Variants in CPNE4 observed in about 807,000 individuals in gnomAD.
CPNE4 encodes copine 4.
Under a neutral mutation model 67.9 loss-of-function variants are expected in CPNE4, and 25 were observed. The ratio of observed to expected loss-of-function variants is 0.37; its 90% CI spans 0.27 to 0.51. The LOEUF (loss-of-function observed/expected upper bound fraction) is 0.51. Among genes scored for constraint, CPNE4 ranks in the 20% least tolerant of loss-of-function variants. The pLI is 0.93. For synonymous variants in CPNE4, 242 were observed against 244.9 expected (o/e 0.99, Z 0.11); for missense variants, 464 against 690.8 (o/e 0.67, Z 3.68).
intron 6 of CPNE4, among the ~76,000 whole-genome samples, chr3:131,682,432 G>C (rs961630490): frequency 6.6e-6 from 1 of 152,078 alleles, no homozygotes; most frequent in Admixed American, 6.5e-5. Context: ...AGATCTGGAA[G>C]AATTCCCTGG....
At chr3:131,734,803 A>T (rs1441878443) in intron 2 of CPNE4, among the ~76,000 whole-genome samples, 1 of 152,106 alleles carries the variant, frequency 6.6e-6, no homozygotes, top group African/African-American at 2.4e-5. Flanking sequence ...AGGTGGGAGA[A>T]TCACCTGATC....
chr3:131,733,246 G>T (rs1398596407), intron 2 of CPNE4, among the ~76,000 whole-genome samples: 1 of 152,170 alleles, frequency 6.6e-6, no homozygotes. Context: ...AATTTTTCAA[G>T]TGGGGCCATT....
At chr3:131,803,429 C>G (rs564917208) in intron 2 of CPNE4, among the ~76,000 whole-genome samples, 1 of 152,288 alleles carries the variant, frequency 6.6e-6, no homozygotes, top group Admixed American at 6.5e-5. Flanking sequence ...TTGCTGCTAA[C>G]TGTCTCTATC....
intron 2 of CPNE4, among the ~76,000 whole-genome samples, chr3:131,758,796 C>T (rs1482844786): frequency 6.6e-6 from 1 of 152,042 alleles, no homozygotes; most frequent in Admixed American, 6.6e-5. Context: ...ATGCTATTCT[C>T]GTGATAGTGA....
At chr3:131,820,616 T>C (rs1036108901) in intron 2 of CPNE4, among the ~76,000 whole-genome samples, 5 of 152,240 alleles carry the variant, frequency 3.3e-5, no homozygotes, top group African/African-American at 1.2e-4. Context: ...ATTACAAACA[T>C]CTCTTTCTAA....
At chr3:131,648,887 T>G (rs1339468931) in intron 7 of CPNE4, among the ~76,000 whole-genome samples, 2 of 152,052 alleles carry the variant, frequency 1.3e-5, no homozygotes, top group Non-Finnish European at 2.9e-5. Context: ...TTCCTGTAAG[T>G]AGGTGGAAGA....
At chr3:131,850,815 G>C (rs948340791) in intron 2 of CPNE4, among the ~76,000 whole-genome samples, 3 of 152,042 alleles carry the variant, frequency 2.0e-5, no homozygotes, top group Non-Finnish European at 4.4e-5. Context: ...ATTTTGTAGA[G>C]TGGTTAACCA....
intron 2 of CPNE4, among the ~76,000 whole-genome samples, chr3:131,850,429 C>G (rs2086194109): frequency 6.6e-6 from 1 of 151,924 alleles, no homozygotes; most frequent in Non-Finnish European, 1.5e-5. Context: ...TCTCTGAGCC[C>G]CAATTATTTG....
intron 5 of CPNE4, among the ~76,000 whole-genome samples, chr3:131,695,994 C>CT (rs1343303279): frequency 1.3e-5 from 2 of 151,968 alleles, no homozygotes; most frequent in South Asian, 2.1e-4. Flanking sequence ...TTTGATATGC[C>CT]TTTTTTCCAG....
chr3:131,540,745 G>A (rs965320882), intron 15 of CPNE4, among the ~76,000 whole-genome samples: 1 of 152,212 alleles, frequency 6.6e-6, no homozygotes, highest in Non-Finnish European at 1.5e-5. Context: ...ACCAAATAAG[G>A]TTGAAGTGGA....
chr3:131,785,980 G>C (rs1214500187), intron 2 of CPNE4, among the ~76,000 whole-genome samples: 1 of 152,044 alleles, frequency 6.6e-6, no homozygotes, highest in Admixed American at 6.6e-5. Flanking sequence ...TTCTTTGCCA[G>C]GTTCCTTTCT....
chr3:131,577,200 A>T (rs1052787110), intron 9 of CPNE4, among the ~76,000 whole-genome samples: 1 of 152,114 alleles, frequency 6.6e-6, no homozygotes, highest in African/African-American at 2.4e-5. Context: ...CTATCTTGTT[A>T]TGTAAGGATA....
intron 2 of CPNE4, among the ~76,000 whole-genome samples, chr3:131,731,588 G>A (rs567379385): frequency 3.2e-4 from 48 of 152,148 alleles, no homozygotes; most frequent in African/African-American, 1.1e-3. Context: ...CTGATTTCTC[G>A]GTTTGTATGC....
At chr3:131,565,350 G>A (rs1268186821) in intron 10 of CPNE4, among the ~76,000 whole-genome samples, 3 of 151,974 alleles carry the variant, frequency 2.0e-5, no homozygotes, top group Non-Finnish European at 4.4e-5. Context: ...TACTATGCCC[G>A]AAAGGCTCTA....
intron 2 of CPNE4, among the ~76,000 whole-genome samples, chr3:131,833,836 G>T (rs1000623188): frequency 9.2e-5 from 14 of 152,162 alleles, no homozygotes; most frequent in African/African-American, 3.4e-4. Flanking sequence ...CACATTTCAT[G>T]GTGCTTCCGT....
In CPNE4 at chr3:131,751,244, G is replaced by A. The variant is rs76011293; in HGVS notation, c.181-27619C>T. 9.8e-3 allele frequency among the ~76,000 whole-genome samples: 1,494 copies of A among 152,044 alleles called. 18 individuals are homozygous for A. The highest frequency in any genetic ancestry group is 0.034 in the African/African-American group (1,416 of 41,488). ...GTTCTTCAAGTACTTTTTTAGTTCT[G>A]CCTTATTTATCCCTTCCTTCTTGGA... On this transcript the variant is annotated intron_variant, in intron 2 of 15. Coordinates refer to ENST00000429747, the MANE Select transcript of CPNE4 (RefSeq NM_130808.3).
At chr3:131,621,801 G>A (rs899168125) in intron 7 of CPNE4, among the ~76,000 whole-genome samples, 10 of 151,540 alleles carry the variant, frequency 6.6e-5, no homozygotes, top group African/African-American at 2.4e-4. Flanking sequence ...GAGCTCAGGA[G>A]TTTGAGACCA....
At chr3:131,671,657 T>C (rs1001367684) in intron 6 of CPNE4, among the ~76,000 whole-genome samples, 1 of 152,150 alleles carries the variant, frequency 6.6e-6, no homozygotes, top group Non-Finnish European at 1.5e-5. Context: ...GGGGATATTA[T>C]AGAAATTCTT....
intron 2 of CPNE4, among the ~76,000 whole-genome samples, chr3:131,725,215 TTG>T (rs1191064009): frequency 6.6e-6 from 1 of 152,192 alleles, no homozygotes; most frequent in Admixed American, 6.5e-5. Context: ...AATCTGATAT[TTG>T]TTCTAGCCAC....
Sources: gnomAD v4.1 joint callset for allele counts (sites outside exome capture counted in the v4.1 genomes callset) on GRCh38, gnomAD v4.1.1 for gene constraint, MANE v1.5 for transcripts, NCBI Gene and HGNC (gene_info 2026-07-23, HGNC 2026-07-21) for gene names.